The following CDK5RAP2 variants were observed in gnomAD, a reference collection of about 807,000 sequenced individuals.
CDK5RAP2 encodes CDK5 regulatory subunit associated protein 2, also known as CDK5 regulatory subunit-associated protein 2.
CDK5RAP2 carries 147 observed loss-of-function variants against 232.9 expected under a neutral mutation model. The observed-to-expected ratio is 0.63, with a 90% CI of 0.55 to 0.72. CDK5RAP2 has a LOEUF of 0.72. CDK5RAP2 is among the 30% of genes least tolerant of loss of function. The probability of loss-of-function intolerance (pLI) is 0.00; values close to 1 mark genes in which losing one functional copy is unlikely to be tolerated. For missense variants in CDK5RAP2, 2,195 were observed against 2,231.5 expected (o/e 0.98, Z 0.33); for synonymous variants, 833 against 833.7 (o/e 1.00, Z 0.01).
chr9:120,580,149 C>G lies in CDK5RAP2; in HGVS notation c.-171G>C, dbSNP rs566128091. On this transcript the variant is annotated 5_prime_UTR_variant, in exon 1 of 38. Transcript: ENST00000349780. ...CCACAGACGCCGCCATCTTTCCCGG[C>G]GCTTCTTCCTACGGAAACGAGGCGG... 1.7e-5 allele frequency: 10 copies of G among 584,514 alleles called. No homozygotes were observed. The South Asian group carries it at 1.9e-4, about 11-fold the overall frequency. 36.2% of individuals were successfully genotyped at this position (584,514 alleles called of 1,614,324 possible).
intron 21 of CDK5RAP2, among the ~76,000 whole-genome samples, chr9:120,452,254 C>G (rs2131397193): frequency 2.0e-5 from 3 of 152,084 alleles, no homozygotes; most frequent in Middle Eastern, 6.8e-3. Flanking sequence ...CTCTCTCTCT[C>G]TCTCTCTCTC....
intron 27 of CDK5RAP2, among the ~76,000 whole-genome samples, chr9:120,415,754 T>C (rs2034173101): frequency 6.6e-6 from 1 of 151,970 alleles, no homozygotes; most frequent in South Asian, 2.1e-4. Flanking sequence ...CTTAGAAAAG[T>C]TATTTTCCAA....
chr9:120,479,249 AATG>A (rs149739279), intron 14 of CDK5RAP2, among the ~76,000 whole-genome samples: 2,687 of 152,312 alleles, frequency 0.018, 78 homozygotes, highest in African/African-American at 0.061. Flanking sequence ...TTTATAGAAA[AATG>A]ATGATGACTA....
At chr9:120,519,764 C>T (rs769668514) in intron 11 of CDK5RAP2, among the ~76,000 whole-genome samples, 4 of 152,214 alleles carry the variant, frequency 2.6e-5, no homozygotes, top group Non-Finnish European at 5.9e-5. Context: ...AGCTATGGCA[C>T]ATGTATTCCC....
chr9:120,533,600 C>CA (rs2041251970), intron 7 of CDK5RAP2, among the ~76,000 whole-genome samples: 1 of 151,768 alleles, frequency 6.6e-6, no homozygotes, highest in Non-Finnish European at 1.5e-5. Flanking sequence ...TCAAGACCAG[C>CA]CTGGCCAACA....
At chr9:120,481,664 C>A (rs1201207747) in intron 14 of CDK5RAP2, among the ~76,000 whole-genome samples, 1 of 151,996 alleles carries the variant, frequency 6.6e-6, no homozygotes, top group African/African-American at 2.4e-5. Context: ...AGGCGCACAC[C>A]GCCACACTCG....
chr9:120,439,079 C>G (rs2035745916), intron 24 of CDK5RAP2, among the ~76,000 whole-genome samples: 1 of 152,192 alleles, frequency 6.6e-6, no homozygotes, highest in Non-Finnish European at 1.5e-5. Context: ...AGCAAAGGCA[C>G]TATCACTCAC....
Position 120,389,098 on chromosome 9 carries a change from GA to G in CDK5RAP2, c.*137del, listed in dbSNP as rs767036604. The G allele has an allele frequency of 7.5e-6, 6 of 803,422 alleles. No homozygotes were observed. The highest frequency in any genetic ancestry group is 1.2e-5 in the Non-Finnish European group (6 of 488,506). The allele number at this position is 803,422 out of a possible 1,614,324, so 49.8% of individuals were successfully genotyped here. ...CAACTCTCAAGCCAACTTTCAGAGAGAAAACATGAAGGGAAAAAATAGATTT... is the reference window on the plus strand; with the variant it reads ...CAACTCTCAAGCCAACTTTCAGAGAGAAACATGAAGGGAAAAAATAGATTT... On this transcript the variant is annotated 3_prime_UTR_variant, in exon 38 of 38. Transcript: ENST00000349780.
chr9:120,447,713 G>A (rs555544502), intron 22 of CDK5RAP2, among the ~76,000 whole-genome samples, 182 bp downstream of exon 22: 1 of 152,316 alleles, frequency 6.6e-6, no homozygotes, highest in South Asian at 2.1e-4. Context: ...GAAAGCAATA[G>A]ATTCATTCTC....
Position 120,489,900 on chromosome 9 carries a change from C to T in CDK5RAP2, c.1482+1407G>A, listed in dbSNP as rs146009821. Reference sequence around the variant, plus strand: ...TCGGCTCACCGCAACCTCTGCCTCCCGGGTTCAAGCGATTCTCCTGCCTCA... The same window carrying T: ...TCGGCTCACCGCAACCTCTGCCTCCTGGGTTCAAGCGATTCTCCTGCCTCA... On this transcript the variant is annotated intron_variant, in intron 13 of 37. Transcript: ENST00000349780. 9.1e-4 allele frequency among the ~76,000 whole-genome samples: 139 copies of T among 152,028 alleles called. 2 individuals are homozygous for T. In the East Asian group the frequency reaches 0.022, roughly 24 times the overall value.
intron 3 of CDK5RAP2, 80 bp from the exon 4 acceptor site, chr9:120,550,982 T>C (rs2042022330): frequency 3.6e-6 from 3 of 822,734 alleles, no homozygotes; most frequent in Non-Finnish European, 6.5e-6. Flanking sequence ...TTAGTCGCTA[T>C]GGATTACGAG....
At chr9:120,570,886 G>C (rs1287668072) in intron 2 of CDK5RAP2, among the ~76,000 whole-genome samples, 28 of 152,180 alleles carry the variant, frequency 1.8e-4, no homozygotes, top group Non-Finnish European at 1.3e-4. Context: ...TTGCCAATGA[G>C]TGCAGTGGCT....
intron 36 of CDK5RAP2, 40 bp downstream of exon 36, chr9:120,394,472 G>A (rs1242217089): frequency 1.9e-6 from 3 of 1,613,642 alleles, no homozygotes; most frequent in Non-Finnish European, 8.5e-7. Context: ...TCGGAGGCAG[G>A]AAGTGGTCAG....
chr9:120,541,751 A>T (rs2041642644), intron 5 of CDK5RAP2, among the ~76,000 whole-genome samples: 1 of 152,208 alleles, frequency 6.6e-6, no homozygotes, highest in South Asian at 2.1e-4. Context: ...CTGCCCACAT[A>T]ACTGATCAAA....
chr9:120,552,511 C>T (rs936957766), intron 3 of CDK5RAP2, among the ~76,000 whole-genome samples: 4 of 151,922 alleles, frequency 2.6e-5, no homozygotes, highest in Non-Finnish European at 4.4e-5. Flanking sequence ...TACTATGCAG[C>T]CATAAAAAAG....
chr9:120,440,395 T>C (rs59326946), intron 23 of CDK5RAP2: 6,755 of 248,856 alleles, frequency 0.027, 119 homozygotes, highest in East Asian at 0.044. Context: ...GCACATTGCG[T>C]GCTGTGTCAT....
intron 12 of CDK5RAP2, among the ~76,000 whole-genome samples, chr9:120,513,119 C>T (rs2040170701): frequency 6.6e-6 from 1 of 152,168 alleles, no homozygotes; most frequent in African/African-American, 2.4e-5. Flanking sequence ...GAATACGCAC[C>T]AAGTCAAGCC....
Position 120,517,980 on chromosome 9 carries a change from A to C in CDK5RAP2, c.1311+447T>G, listed in dbSNP as rs1470522592. The stretch of plus-strand genomic sequence containing the variant: ...TCATAAGGCAAAAAAAAAGTAAAAT[A>C]ATCTAAATGCCGTTCAAAAAAGAAC... On this transcript the variant is annotated intron_variant, in intron 12 of 37. Transcript: ENST00000349780. 3 of 218,812 alleles carry C rather than the reference A, an allele frequency of 1.4e-5. No individual in the cohort carries two copies. In the East Asian group the frequency reaches 3.4e-4, roughly 25 times the overall value. 13.6% of individuals were successfully genotyped at this position (218,812 alleles called of 1,614,324 possible).
intron 9 of CDK5RAP2, among the ~76,000 whole-genome samples, chr9:120,528,541 T>G (rs1368287573): frequency 1.3e-5 from 2 of 152,180 alleles, no homozygotes; most frequent in Non-Finnish European, 2.9e-5. Context: ...GTACCACATC[T>G]GTAAAATGGG....
Sources: allele counts gnomAD v4.1 joint callset (sites outside exome capture counted in the v4.1 genomes callset), GRCh38; gene constraint gnomAD v4.1.1; transcripts MANE v1.5; gene names NCBI Gene and HGNC (gene_info 2026-07-23, HGNC 2026-07-21).